RALGAPA2: variants seen among roughly 807,000 people sequenced by gnomAD.
RALGAPA2 encodes ral GTPase-activating protein subunit alpha-2.
Under a neutral mutation model 230.4 loss-of-function variants are expected in RALGAPA2, and 139 were observed. That is an observed-to-expected ratio of 0.60 (90% confidence interval 0.53 to 0.69). The LOEUF (loss-of-function observed/expected upper bound fraction) is 0.69. Among genes scored for constraint, RALGAPA2 ranks in the 30% least tolerant of loss-of-function variants. The pLI, the probability that RALGAPA2 is intolerant of heterozygous loss-of-function variation, is 0.00. For synonymous variants in RALGAPA2, 847 were observed against 837.8 expected (o/e 1.01, Z -0.19); for missense variants, 2,163 against 2,276.0 (o/e 0.95, Z 1.01).
rs190681263 is a variant in RALGAPA2 at position 20,484,417 on chromosome 20, T to A, written c.5367+10700A>T. On this transcript the variant is annotated intron_variant, in intron 36 of 39. Transcript: ENST00000202677. ...TCCATGGAGCACCAGCAAGCAGCAC[T>A]CTCTGAGGAGAGGCTGCTCAGGAAA... Among the ~76,000 whole-genome samples the A allele has an allele frequency of 1.2e-3, 188 of 152,228 alleles. 1 individual carries two copies. Among genetic ancestry groups the A allele is most frequent in the African/African-American group, 4.2e-3 (174 of 41,542 alleles).
At chr20:20,675,211 C>T (rs1370974708) in intron 3 of RALGAPA2, among the ~76,000 whole-genome samples, 1 of 152,018 alleles carries the variant, frequency 6.6e-6, no homozygotes, top group East Asian at 1.9e-4. Flanking sequence ...GTATCAATAG[C>T]GAATCAACAT....
At chr20:20,566,546 A>G (rs1238233385) in intron 23 of RALGAPA2, among the ~76,000 whole-genome samples, 2 of 152,214 alleles carry the variant, frequency 1.3e-5, no homozygotes, top group Admixed American at 6.5e-5. Context: ...GAAATAAATG[A>G]TGGTGTTGCT....
At chr20:20,693,320 A>G (rs1018684294) in intron 1 of RALGAPA2, among the ~76,000 whole-genome samples, 1 of 152,234 alleles carries the variant, frequency 6.6e-6, no homozygotes, top group Non-Finnish European at 1.5e-5. Flanking sequence ...ATCAAATACC[A>G]ATATAATAAA....
At position 20,629,480 on chromosome 20, in the gene RALGAPA2, G is replaced by C. The variant is rs759851893; in HGVS notation, c.1116C>G (p.Leu372=). The C allele has an allele frequency of 2.9e-5, 46 of 1,613,846 alleles. No homozygotes were observed. The highest frequency in any genetic ancestry group is 3.9e-5 in the Non-Finnish European group (46 of 1,179,898). ...SNSSTLSDRR[L]SNSSLCSIEE... The stretch of plus-strand genomic sequence containing the variant: ...CAATGCTACAGAGGCTGGAGTTGCT[G>C]AGTCTTCGGTCCGACAAGGTGCTGC... Residue 372 remains leucine (L), a synonymous_variant, in exon 10 of 40, where the codon CTC becomes CTG. Transcript: ENST00000202677.
At chr20:20,565,025 T>C (rs1467293651) in intron 23 of RALGAPA2, among the ~76,000 whole-genome samples, 1 of 152,226 alleles carries the variant, frequency 6.6e-6, no homozygotes, top group African/African-American at 2.4e-5. Context: ...TATTTCATCC[T>C]CGGAACATCA....
intron 1 of RALGAPA2, among the ~76,000 whole-genome samples, chr20:20,697,581 A>G (rs557588255): frequency 6.6e-6 from 1 of 152,246 alleles, no homozygotes; most frequent in African/African-American, 2.4e-5. Flanking sequence ...ATGAGGTTCT[A>G]TCTCTAGGAA....
At chr20:20,396,765 T>C (rs771905560) in intron 38 of RALGAPA2, 31 bp from the exon 39 acceptor site, 44 of 1,471,364 alleles carry the variant, frequency 3.0e-5, no homozygotes, top group Admixed American at 1.8e-4. Context: ...ATGGAATGAA[T>C]ACAAACACAA....
intron 27 of RALGAPA2, among the ~76,000 whole-genome samples, chr20:20,528,566 G>A (rs2063287268): frequency 6.6e-6 from 1 of 152,168 alleles, no homozygotes. Flanking sequence ...AGACGAGGTG[G>A]GAGAAGGAGC....
At chr20:20,574,646 A>G (rs563615214) in intron 20 of RALGAPA2, among the ~76,000 whole-genome samples, 1 of 152,332 alleles carries the variant, frequency 6.6e-6, no homozygotes, top group South Asian at 2.1e-4. Flanking sequence ...CATAGTATGT[A>G]TGTAATAATC....
At chr20:20,605,603 T>C (rs1055518235) in intron 14 of RALGAPA2, among the ~76,000 whole-genome samples, 191 bp from the exon 15 acceptor site, 2 of 152,328 alleles carry the variant, frequency 1.3e-5, no homozygotes, top group South Asian at 2.1e-4. Flanking sequence ...ATTGGGGAGT[T>C]AGTTATCATT....
chr20:20,684,775 G>A lies in RALGAPA2; in HGVS notation c.107-3974C>T, dbSNP rs78223481. 1.2e-3 allele frequency among the ~76,000 whole-genome samples: 181 copies of A among 152,274 alleles called. 1 individual carries two copies. Among genetic ancestry groups the A allele is most frequent in the African/African-American group, 4.0e-3 (167 of 41,544 alleles). On this transcript the variant is annotated intron_variant, in intron 1 of 39. Coordinates refer to ENST00000202677, the MANE Select transcript of RALGAPA2 (RefSeq NM_020343.4). ...GTTGTCTGGCTGCTAGAATGTAAGC[G>A]GCATGAAGGCAGAAATCTCATCTGC... is the stretch of plus-strand genomic sequence containing the variant.
At chr20:20,688,376 T>C (rs535794690) in intron 1 of RALGAPA2, among the ~76,000 whole-genome samples, 11 of 151,402 alleles carry the variant, frequency 7.3e-5, no homozygotes, top group African/African-American at 9.7e-5. Context: ...TGGATGAAAA[T>C]ACTAATTTAC....
chr20:20,414,402 C>T (rs1046190494), intron 37 of RALGAPA2, among the ~76,000 whole-genome samples: 2 of 152,186 alleles, frequency 1.3e-5, no homozygotes, highest in South Asian at 4.1e-4. Context: ...AAAGGAAATG[C>T]GTGCGCATTT....
intron 31 of RALGAPA2, among the ~76,000 whole-genome samples, chr20:20,517,798 GA>G (rs2062916868): frequency 2.0e-5 from 3 of 150,474 alleles, no homozygotes; most frequent in South Asian, 4.2e-4. Flanking sequence ...ACATCTTGAA[GA>G]GGGGGAAAAA....
intron 36 of RALGAPA2, among the ~76,000 whole-genome samples, chr20:20,493,191 T>C (rs967667228): frequency 5.3e-5 from 8 of 152,224 alleles, no homozygotes; most frequent in Non-Finnish European, 1.2e-4. Context: ...TCCGCAAGCC[T>C]CTTGCATTCA....
chr20:20,680,909 A>G lies in RALGAPA2; in HGVS notation c.107-108T>C, dbSNP rs189249354. On this transcript the variant is annotated intron_variant, in intron 1 of 39. Coordinates refer to ENST00000202677, the MANE Select transcript of RALGAPA2 (RefSeq NM_020343.4). ...CAAGTACAACTAGTTTCATTCCCTT[A>G]TAAGACAATACAAAACAAAACAGTA... 8 of 1,466,552 alleles carry G rather than the reference A, an allele frequency of 5.5e-6. No individual in the cohort carries two copies. In the Admixed American group the frequency reaches 1.5e-4, roughly 28 times the overall value. The allele number at this position is 1,466,552 out of a possible 1,614,324, so 90.8% of individuals were successfully genotyped here. A position where few individuals can be genotyped will look rare whatever the true frequency, so the allele number is the denominator to read the frequency against.
chr20:20,617,246 C>A (rs543440657), intron 12 of RALGAPA2, among the ~76,000 whole-genome samples: 1 of 152,016 alleles, frequency 6.6e-6, no homozygotes, highest in Non-Finnish European at 1.5e-5. Context: ...TACAATCTGA[C>A]GAAATTAAAA....
Position 20,488,605 on chromosome 20 carries a change from G to A in RALGAPA2, c.5367+6512C>T, listed in dbSNP as rs543938460. On this transcript the variant is annotated intron_variant, in intron 36 of 39. Coordinates refer to ENST00000202677, the MANE Select transcript of RALGAPA2 (RefSeq NM_020343.4). ...TCAGTTAACTGCTGATTATCAGCTC[G>A]TTCTTTTTCTTGCTGTGAGGATGGC... Among the ~76,000 whole-genome samples the A allele has an allele frequency of 1.3e-3, 201 of 152,242 alleles. 1 individual carries two copies. The highest frequency in any genetic ancestry group is 1.3e-3 in the Non-Finnish European group (86 of 68,016).
intron 3 of RALGAPA2, among the ~76,000 whole-genome samples, chr20:20,653,835 G>GA (rs1275426612): frequency 7.9e-5 from 12 of 151,962 alleles, no homozygotes; most frequent in African/African-American, 2.4e-4. Context: ...AAGAAAACAA[G>GA]AAAAAACCTA....
Sources: gnomAD v4.1 joint callset for allele counts (sites outside exome capture counted in the v4.1 genomes callset) on GRCh38, gnomAD v4.1.1 for gene constraint, MANE v1.5 for transcripts, NCBI Gene and HGNC (gene_info 2026-07-23, HGNC 2026-07-21) for gene names.